Variants in SEPTIN8 observed in about 807,000 individuals in gnomAD.
SEPTIN8 encodes septin 8.
In SEPTIN8, 22 loss-of-function variants were observed where a neutral mutation model predicts 53.1. That is an observed-to-expected ratio of 0.41 (90% CI 0.30 to 0.59). The LOEUF (loss-of-function observed/expected upper bound fraction) is 0.59, where lower values mean the gene tolerates loss of function less well. Ranked by LOEUF, SEPTIN8 falls within the 20% of genes least tolerant of loss-of-function variation. The pLI is 0.24. For missense variants in SEPTIN8, 536 were observed against 638.7 expected, an observed-to-expected ratio of 0.84 and a Z score of 1.73; for synonymous variants, 228 against 248.4, an observed-to-expected ratio of 0.92 and a Z score of 0.77.
chr5:132,752,213 C>T (rs1754904676), intron 9 of SEPTIN8, 32 bp from the exon 10 acceptor site: 2 of 1,551,662 alleles, frequency 1.3e-6, no homozygotes, highest in South Asian at 1.2e-5. Context: ...ATCAACTTTG[C>T]CCCAGACCAG....
In SEPTIN8 at chr5:132,760,788, A is replaced by G. The variant is rs201572292; in HGVS notation, c.1286+14T>C. ...GAGCAAGAGGAGCCAGCGCAGGCGC[A>G]GCCTGCCACCTACTTCTTCTTGTCC... On this transcript the variant is annotated intron_variant, in intron 9 of 9. Transcript: ENST00000378719. The surrounding 1 kb of genome is among the most constrained non-coding windows in gnomAD (Gnocchi z 5.2). 185 of 1,610,186 alleles carry G rather than the reference A, an allele frequency of 1.1e-4. No homozygotes were observed. The African/African-American group carries it at 2.0e-3, about 17-fold the overall frequency.
chr5:132,764,478 CT>C, intron 2 of SEPTIN8, 59 bp from the exon 3 acceptor site: 1 of 1,453,368 alleles, frequency 6.9e-7, no homozygotes, highest in African/African-American at 1.4e-5. Flanking sequence ...ATGGGCTGTC[CT>C]TGACTGGTGG....
chr5:132,764,421 T>C lies in SEPTIN8; in HGVS notation c.152-2A>G. On this transcript the variant is annotated splice_acceptor_variant, in intron 2 of 9. Transcript: ENST00000378719. LOFTEE classifies it high-confidence loss of function. The stretch of plus-strand genomic sequence containing the variant: ...TGGATTTGCCAATGCCGGTCTCCCC[T>C]GGGCAGTGAGGACAGGAGGGGAAGA... 6.2e-7 allele frequency: 1 copy of C among 1,611,142 alleles called. No homozygotes were observed. The highest frequency in any genetic ancestry group is 1.1e-5 in the South Asian group (1 of 90,558).
Position 132,763,586 on chromosome 5 carries a change from C to T in SEPTIN8, c.534+120G>A, listed in dbSNP as rs149989776. On this transcript the variant is annotated intron_variant, in intron 4 of 9. Coordinates refer to ENST00000378719, the MANE Select transcript of SEPTIN8 (RefSeq NM_001098811.2). ...GAGAGAGGACCGAGCCAATGGGGGGCCACCCACAAGCCCCCGACCAGGTCC... is the reference window on the plus strand; with the variant it reads ...GAGAGAGGACCGAGCCAATGGGGGGTCACCCACAAGCCCCCGACCAGGTCC... The T allele has an allele frequency of 3.7e-3, 3,329 of 891,000 alleles. 12 individuals are homozygous for T. Among genetic ancestry groups the T allele is most frequent in the Admixed American group, 7.5e-3 (337 of 44,730 alleles). The allele number at this position is 891,000 out of a possible 1,614,324, so 55.2% of individuals were successfully genotyped here. A position where few individuals can be genotyped will look rare whatever the true frequency, so the allele number is the denominator to read the frequency against.
chr5:132,755,748 T>C (rs1483514002), intron 9 of SEPTIN8, among the ~76,000 whole-genome samples: 2 of 152,158 alleles, frequency 1.3e-5, no homozygotes, highest in African/African-American at 4.8e-5. Flanking sequence ...CCAATAAAGA[T>C]TCATGGACCA....
intron 1 of SEPTIN8, among the ~76,000 whole-genome samples, chr5:132,768,705 G>A: frequency 6.6e-6 from 1 of 152,200 alleles, no homozygotes; most frequent in East Asian, 1.9e-4. Context: ...TGCCATGATC[G>A]GTGCAAGTAC....
chr5:132,756,406 A>C, intron 9 of SEPTIN8: 1 of 985,396 alleles, frequency 1.0e-6, no homozygotes, highest in Non-Finnish European at 1.2e-6. Flanking sequence ...TTCTACCTCA[A>C]ACAAACATGG....
chr5:132,779,429 T>C (rs1175244520), upstream of SEPTIN8, among the ~76,000 whole-genome samples: 1 of 152,220 alleles, frequency 6.6e-6, no homozygotes, highest in Admixed American at 6.5e-5. Context: ...TCAGCTAATA[T>C]GCATTTTCTG....
upstream of SEPTIN8, chr5:132,777,926 G>A: frequency 3.0e-6 from 3 of 985,492 alleles, no homozygotes; most frequent in Non-Finnish European, 3.6e-6. This position sits in a 1 kb window ranked among gnomAD's most constrained non-coding sequence, Gnocchi z 4.1. Context: ...CGACGGTCAA[G>A]GCGTCAGATT....
Position 132,750,996 on chromosome 5 carries a change from T to C in SEPTIN8, c.*1020A>G, listed in dbSNP as rs771620191. 6.2e-7 allele frequency: 1 copy of C among 1,613,458 alleles called. No individual in the cohort carries two copies. ...GGGACGCCGCTGGACTTCTTGACTATAGTGAGTAAGGAGGTGTTTACAGAG... is the reference window on the plus strand; with the variant it reads ...GGGACGCCGCTGGACTTCTTGACTACAGTGAGTAAGGAGGTGTTTACAGAG... On this transcript the variant is annotated 3_prime_UTR_variant, in exon 10 of 10. Coordinates refer to ENST00000378719, the MANE Select transcript of SEPTIN8 (RefSeq NM_001098811.2).
rs145031012 is a variant in SEPTIN8, at chr5:132,764,304, G to T, written c.267C>A (p.Asp89Glu). ...ACVRLRPQTY[D>E]LQESNVQLKL... ...TGAGCTGCACGTTGCTCTCCTGGAG[G>T]TCATAGGTCTGGGGCCGCAGGCGCA... The change falls in exon 3 of 10, where the codon GAC (aspartate) becomes GAA (glutamate). Residue 89 changes from aspartate to glutamate, a missense_variant. Physicochemically the swap from Asp to Glu is conservative, Grantham distance 45. This residue lies in a region of SEPTIN8 where 395 missense variants were observed against 451.8 expected (regional missense o/e 0.87). Transcript: ENST00000378719. 6.8e-6 allele frequency: 11 copies of T among 1,614,220 alleles called. No individual in the cohort carries two copies. The highest frequency in any genetic ancestry group is 2.7e-5 in the African/African-American group (2 of 75,064).
intron 9 of SEPTIN8, chr5:132,757,625 G>T: frequency 2.0e-6 from 2 of 985,328 alleles, no homozygotes; most frequent in Non-Finnish European, 2.4e-6. Flanking sequence ...TGCCCAGCAC[G>T]GTGCTTCAAC....
upstream of SEPTIN8, chr5:132,778,216 T>C: frequency 3.9e-6 from 2 of 509,316 alleles, no homozygotes; most frequent in Non-Finnish European, 5.1e-6. Flanking sequence ...TCTGGGAATG[T>C]GGCAAGGTTT....
rs561083377 is a variant in SEPTIN8 at position 132,761,075 on chromosome 5, C to T, written c.1095+58G>A. On this transcript the variant is annotated intron_variant, in intron 8 of 9. Coordinates refer to ENST00000378719, the MANE Select transcript of SEPTIN8 (RefSeq NM_001098811.2). The surrounding 1 kb of genome is among the most constrained non-coding windows in gnomAD (Gnocchi z 5.8). The stretch of plus-strand genomic sequence containing the variant: ...CCAGGAAGGCACCCCCACCTCTACC[C>T]TCAGCCAGGCCTTCCCTCCCTCAGC... 181 of 1,610,564 alleles carry T rather than the reference C, an allele frequency of 1.1e-4. 1 individual carries two copies. The African/African-American group carries it at 1.9e-3, about 17-fold the overall frequency.
In SEPTIN8 at chr5:132,773,764, T is replaced by C. The variant is rs1757538472; in HGVS notation, c.30+3344A>G. On this transcript the variant is annotated intron_variant, in intron 1 of 9. Coordinates refer to ENST00000378719, the MANE Select transcript of SEPTIN8 (RefSeq NM_001098811.2). This position sits in a 1 kb window ranked among gnomAD's most constrained non-coding sequence, Gnocchi z 4.2. ...CTTGCCATCCTCTCTGTTCCTATCA[T>C]GGTCAGTCTTTTAGCATGTGCTCCC... Among the ~76,000 whole-genome samples the C allele has an allele frequency of 6.6e-6, 1 of 152,226 alleles. No homozygotes were observed. The highest frequency in any genetic ancestry group is 1.5e-5 in the Non-Finnish European group (1 of 68,034).
chr5:132,756,414 T>C (rs1416615000), intron 9 of SEPTIN8: 1 of 985,328 alleles, frequency 1.0e-6, no homozygotes, highest in Non-Finnish European at 1.2e-6. Context: ...CAAACAAACA[T>C]GGTTTATGAT....
Position 132,777,123 on chromosome 5 carries a change from G to A in SEPTIN8, c.15C>T (p.Asp5=). MAAT[D]LERFSNAEPE... is the part of the protein sequence containing the mutation. ...GGGCCCTCACCGAGAAGCGCTCCAG[G>A]TCGGTGGCCGCCATGGCGAGCTCCG... The change falls in exon 1 of 10, where the codon GAC becomes GAT. Residue 5 remains aspartate (D), a synonymous_variant. Transcript: ENST00000378719. This position sits in a 1 kb window ranked among gnomAD's most constrained non-coding sequence, Gnocchi z 4.1. 8.6e-7 allele frequency: 1 copy of A among 1,168,556 alleles called. No individual in the cohort carries two copies. The highest frequency in any genetic ancestry group is 1.1e-6 in the Non-Finnish European group (1 of 947,096). 72.4% of individuals were successfully genotyped at this position (1,168,556 alleles called of 1,614,324 possible).
At position 132,760,475 on chromosome 5, in the gene SEPTIN8, G is replaced by A. The variant is rs941898137; in HGVS notation, c.1286+327C>T. On this transcript the variant is annotated intron_variant, in intron 9 of 9. Coordinates refer to ENST00000378719, the MANE Select transcript of SEPTIN8 (RefSeq NM_001098811.2). This position sits in a 1 kb window ranked among gnomAD's most constrained non-coding sequence, Gnocchi z 5.2. The stretch of plus-strand genomic sequence containing the variant: ...GGGGGCTATGGGAGAGCGAATGGGT[G>A]AGCAAGAAAGTTGGAGGAAGAGGAA... Among the ~76,000 whole-genome samples the A allele has an allele frequency of 2.6e-5, 4 of 152,130 alleles. No individual in the cohort carries two copies. The highest frequency in any genetic ancestry group is 6.5e-5 in the Admixed American group (1 of 15,272).
intron 1 of SEPTIN8, among the ~76,000 whole-genome samples, chr5:132,766,061 T>A (rs1252783709): frequency 6.6e-6 from 1 of 152,184 alleles, no homozygotes; most frequent in Non-Finnish European, 1.5e-5. Flanking sequence ...GCCTTCTCTA[T>A]CAGCTGGGCT....
Sources: gnomAD v4.1 joint callset for allele counts (sites outside exome capture counted in the v4.1 genomes callset) on GRCh38, gnomAD v4.1.1 for gene constraint, gnomAD v4.1.1 regional missense constraint, Gnocchi (gnomAD v3.1) non-coding constraint, MANE v1.5 for transcripts, NCBI Gene and HGNC (gene_info 2026-07-23, HGNC 2026-07-21) for gene names.